The following OR2A7 variants were observed in gnomAD, a reference collection of about 807,000 sequenced individuals.
OR2A7 encodes olfactory receptor 2A7.
For missense variants in OR2A7, 35 were observed against 359.2 expected, an observed-to-expected ratio of 0.10 and a Z score of 7.30; for synonymous variants, 10 against 147.1, an observed-to-expected ratio of 0.07 and a Z score of 6.74.
chr7:144,259,596 G>A lies in OR2A7; in HGVS notation c.33C>T (p.Phe11=), dbSNP rs2052614772. Residue 11 remains phenylalanine (F), a synonymous_variant, in exon 2 of 2, where the codon TTC becomes TTT. Transcript: ENST00000641841. MGDNITSITE[F]LLLGFPVGPR... Reference sequence around the variant, plus strand: ...GGCCAACGGGAAATCCCAGTAGGAGGAACTCTGTGATGGATGTTATATTGT... The same window carrying A: ...GGCCAACGGGAAATCCCAGTAGGAGAAACTCTGTGATGGATGTTATATTGT... 6.2e-7 allele frequency: 1 copy of A among 1,612,884 alleles called. No homozygotes were observed. Among genetic ancestry groups the A allele is most frequent in the Admixed American group, 1.7e-5 (1 of 59,390 alleles).
chr7:144,259,518 G>A lies in OR2A7; in HGVS notation c.111C>T (p.Thr37=), dbSNP rs746788598. 1.3e-6 allele frequency: 2 copies of A among 1,595,218 alleles called. No individual in the cohort carries two copies. The highest frequency in any genetic ancestry group is 2.7e-5 in the African/African-American group (2 of 72,868). The stretch of plus-strand genomic sequence containing the variant: ...CCAGTATGGTCCCGTTCCCCAGCAG[G>A]GTGAAGACGTAGAACAGGGAGAAGA... ...FGLFSLFYVF[T]LLGNGTILGL... The change falls in exon 2 of 2, where the codon ACC becomes ACT. Residue 37 remains threonine, a synonymous_variant. Coordinates refer to ENST00000641841, the MANE Select transcript of OR2A7 (RefSeq NM_001005328.2).
chr7:144,260,441 A>G, intron 1 of OR2A7, among the ~76,000 whole-genome samples: 1 of 151,356 alleles, frequency 6.6e-6, no homozygotes, highest in East Asian at 1.9e-4. Context: ...TACACATGTC[A>G]AAGTCTTAAA....
intron 1 of OR2A7, among the ~76,000 whole-genome samples, chr7:144,260,137 G>GAAA (rs1168373585): frequency 7.9e-6 from 1 of 126,476 alleles, no homozygotes; most frequent in African/African-American, 2.7e-5. Context: ...AAAAGAAAAG[G>GAAA]AAAAAAAACG....
At chr7:144,260,706 G>T (rs1354810095) in intron 1 of OR2A7, among the ~76,000 whole-genome samples, 1 of 151,904 alleles carries the variant, frequency 6.6e-6, no homozygotes, top group Non-Finnish European at 1.5e-5. Flanking sequence ...TTATGTGAAT[G>T]ACTGAATAGA....
chr7:144,263,832 A>AT (rs1195611133), intron 1 of OR2A7, among the ~76,000 whole-genome samples: 3 of 117,246 alleles, frequency 2.6e-5, no homozygotes, highest in African/African-American at 9.0e-5. Flanking sequence ...GGACTGTTCT[A>AT]TTTTTTCCAT....
chr7:144,260,519 C>T (rs865857784), intron 1 of OR2A7, among the ~76,000 whole-genome samples: 1,550 of 150,184 alleles, frequency 0.01, 2 homozygotes, highest in African/African-American at 0.037. Context: ...GTTCGACATA[C>T]CATCAGCCAA....
In OR2A7 at chr7:144,258,791, A is replaced by C. The variant is rs201738556; in HGVS notation, c.838T>G (p.Phe280Val). Reference sequence around the variant, plus strand: ...ATAAGGGGATTGAGCATGGGATTAAAGAGGCTGTGAAACAGCAGGAGATAT... The same window carrying C: ...ATAAGGGGATTGAGCATGGGATTAACGAGGCTGTGAAACAGCAGGAGATAT... Reference protein sequence around the residue: ...KKYLLLFHSLFNPMLNPLICS... With the variant: ...KKYLLLFHSLVNPMLNPLICS... Residue 280 changes from phenylalanine (F) to valine (V), a missense_variant, in exon 2 of 2, where the codon TTT becomes GTT. Coordinates refer to ENST00000641841, the MANE Select transcript of OR2A7 (RefSeq NM_001005328.2). The C allele has an allele frequency of 0.018, 28,990 of 1,572,608 alleles. 319 individuals carry two copies. The highest frequency in any genetic ancestry group is 0.15 in the East Asian group (5,849 of 38,176).
chr7:144,262,149 C>A lies in OR2A7; in HGVS notation c.-4-2517G>T, dbSNP rs551702449. Among the ~76,000 whole-genome samples the A allele has an allele frequency of 1.3e-4, 20 of 151,868 alleles. No homozygotes were observed. In the South Asian group the frequency reaches 2.7e-3, roughly 21 times the overall value. ...TTCCATAGAGACATGAAGAACCCAACCACTGTTATTCTTCTAGGGGCAGAG... is the reference window on the plus strand; with the variant it reads ...TTCCATAGAGACATGAAGAACCCAAACACTGTTATTCTTCTAGGGGCAGAG... On this transcript the variant is annotated intron_variant, in intron 1 of 1. Coordinates refer to ENST00000641841, the MANE Select transcript of OR2A7 (RefSeq NM_001005328.2).
rs1236654928 is a variant in OR2A7, at chr7:144,259,637, G to A, written c.-4-5C>T. 6.2e-7 allele frequency: 1 copy of A among 1,611,406 alleles called. No individual in the cohort carries two copies. The highest frequency in any genetic ancestry group is 1.7e-5 in the Admixed American group (1 of 59,192). ...GTTATATTGTCCCCCATATCCCTAT[G>A]ACAGAGGAAATCAAGTTAATGCTCA... is the stretch of plus-strand genomic sequence containing the variant. On this transcript the variant is annotated splice_polypyrimidine_tract_variant and splice_region_variant and intron_variant, in intron 1 of 1. Transcript: ENST00000641841.
intron 1 of OR2A7, among the ~76,000 whole-genome samples, chr7:144,260,019 G>A (rs1445016761): frequency 8.1e-6 from 1 of 123,270 alleles, no homozygotes. Flanking sequence ...TGAGGCAGGA[G>A]AATTGCTTGA....
In OR2A7 at chr7:144,259,300, T is replaced by A. The variant is rs2052607820; in HGVS notation, c.329A>T (p.Glu110Val). The change falls in exon 2 of 2, where the codon GAA becomes GTA. Residue 110 changes from glutamate to valine, a missense_variant. By Grantham distance (121) the Glu-to-Val change is moderately radical. Coordinates refer to ENST00000641841, the MANE Select transcript of OR2A7 (RefSeq NM_001005328.2). The stretch of plus-strand genomic sequence containing the variant: ...GGACATCACCACCAGGAGGAGACAT[T>A]CTGTGACAGCAAAAGTGGAAAACAG... ...TFLFSTFAVT[E>V]CLLLVVMSYD... is the part of the protein sequence containing the mutation. 1.1e-6 allele frequency: 1 copy of A among 889,478 alleles called. No homozygotes were observed. Among genetic ancestry groups the A allele is most frequent in the Admixed American group, 2.5e-5 (1 of 40,712 alleles). 55.1% of individuals were successfully genotyped at this position (889,478 alleles called of 1,614,324 possible).
At chr7:144,260,377 G>A (rs1256066548) in intron 1 of OR2A7, among the ~76,000 whole-genome samples, 2 of 151,128 alleles carry the variant, frequency 1.3e-5, no homozygotes, top group Admixed American at 6.7e-5. Context: ...TTCCTTGGTC[G>A]TATTATTCAG....
chr7:144,264,438 C>A (rs2052678501), intron 1 of OR2A7, among the ~76,000 whole-genome samples: 1 of 151,776 alleles, frequency 6.6e-6, no homozygotes, highest in East Asian at 1.9e-4. Context: ...TTTTTATATT[C>A]TTGGTAGAGA....
chr7:144,260,759 A>G (rs2052635298), intron 1 of OR2A7, among the ~76,000 whole-genome samples: 2 of 151,748 alleles, frequency 1.3e-5, no homozygotes, highest in Admixed American at 6.6e-5. Flanking sequence ...AGGATCAGTA[A>G]CTTTTGTTGG....
chr7:144,262,225 G>A, intron 1 of OR2A7, among the ~76,000 whole-genome samples: 1 of 151,472 alleles, frequency 6.6e-6, no homozygotes, highest in East Asian at 1.9e-4. Context: ...GTGATAAAGA[G>A]AATGAGACTA....
intron 1 of OR2A7, among the ~76,000 whole-genome samples, chr7:144,259,978 G>A (rs1397122735): frequency 1.5e-5 from 2 of 130,826 alleles, no homozygotes; most frequent in Non-Finnish European, 3.3e-5. Flanking sequence ...GCGTGGCGGC[G>A]TGTACCTGTA....
chr7:144,261,272 A>T (rs2128826183), intron 1 of OR2A7, among the ~76,000 whole-genome samples: 1 of 151,690 alleles, frequency 6.6e-6, no homozygotes, highest in Admixed American at 6.7e-5. Context: ...ATTGTGCGTA[A>T]TAAGTAAACA....
intron 1 of OR2A7, among the ~76,000 whole-genome samples, chr7:144,260,111 G>GAAAAAAAAAAAAA (rs1162605720): frequency 1.1e-5 from 1 of 87,656 alleles, no homozygotes; most frequent in African/African-American, 4.2e-5. Flanking sequence ...TCTGTCTCCA[G>GAAAAAAAAAAAAA]AAAAAAAAAA....
intron 1 of OR2A7, among the ~76,000 whole-genome samples, chr7:144,260,266 T>C (rs1413037060): frequency 6.1e-5 from 9 of 146,928 alleles, no homozygotes; most frequent in South Asian, 2.2e-4. Flanking sequence ...TAAAAAAAAT[T>C]TGGCTCAGGC....
Sources: gnomAD v4.1 joint callset for allele counts (sites outside exome capture counted in the v4.1 genomes callset) on GRCh38, gnomAD v4.1.1 for gene constraint, MANE v1.5 for transcripts, NCBI Gene and HGNC (gene_info 2026-07-23, HGNC 2026-07-21) for gene names.